Variants in L3MBTL4 observed in about 807,000 individuals in gnomAD.
The protein encoded by L3MBTL4 is L3MBTL histone methyl-lysine binding protein 4.
Under a neutral mutation model 84.5 loss-of-function variants are expected in L3MBTL4, and 70 were observed. The ratio of observed to expected loss-of-function variants is 0.83; its 90% CI spans 0.68 to 1.01. The LOEUF is 1.01. L3MBTL4 is among the 50% of genes least tolerant of loss of function. The pLI is 0.00. For missense variants in L3MBTL4, 715 were observed against 754.8 expected (o/e 0.95, Z 0.62); for synonymous variants, 274 against 259.8 (o/e 1.05, Z -0.52).
intron 16 of L3MBTL4, among the ~76,000 whole-genome samples, chr18:6,038,988 ACT>A (rs1011582958): frequency 2.7e-5 from 4 of 150,906 alleles, no homozygotes; most frequent in Non-Finnish European, 5.9e-5. Flanking sequence ...GAGAGCACCT[ACT>A]CTCTCTCTTT....
chr18:6,145,178 C>G (rs1421164543), intron 13 of L3MBTL4, among the ~76,000 whole-genome samples: 1 of 151,914 alleles, frequency 6.6e-6, no homozygotes, highest in Non-Finnish European at 1.5e-5. Context: ...AGGCAAAAAT[C>G]GAGAAATAAA....
intron 14 of L3MBTL4, among the ~76,000 whole-genome samples, chr18:6,103,051 A>G (rs1227189531): frequency 7.9e-5 from 12 of 152,222 alleles, no homozygotes; most frequent in Admixed American, 7.2e-4. Context: ...CGTGCTATGT[A>G]GCAACACTAA....
intron 13 of L3MBTL4, among the ~76,000 whole-genome samples, chr18:6,145,926 T>C (rs1025517801): frequency 1.3e-5 from 2 of 152,040 alleles, no homozygotes; most frequent in Admixed American, 6.6e-5. Context: ...GTGATGATGT[T>C]AGGCAGATAC....
intron 1 of L3MBTL4, among the ~76,000 whole-genome samples, chr18:6,373,879 T>A (rs971670316): frequency 6.6e-6 from 1 of 152,224 alleles, no homozygotes; most frequent in African/African-American, 2.4e-5. Context: ...AAAACTGTGT[T>A]ATTTTGTTTT....
At chr18:6,368,478 T>C (rs1319880756) in intron 1 of L3MBTL4, among the ~76,000 whole-genome samples, 1 of 152,156 alleles carries the variant, frequency 6.6e-6, no homozygotes, top group Non-Finnish European at 1.5e-5. Flanking sequence ...AGTGTGTGCT[T>C]ACTGTCTGCC....
intron 12 of L3MBTL4, among the ~76,000 whole-genome samples, chr18:6,211,103 C>T (rs2046086287): frequency 6.6e-6 from 1 of 152,180 alleles, no homozygotes; most frequent in African/African-American, 2.4e-5. Context: ...CACCAAGTTA[C>T]CACACAGTCA....
At chr18:6,080,732 C>A (rs888544767) in intron 16 of L3MBTL4, 149 bp downstream of exon 16, 3 of 571,644 alleles carry the variant, frequency 5.2e-6, no homozygotes, top group Non-Finnish European at 9.2e-6. Flanking sequence ...ATTCACAGGG[C>A]GGGAACTAGA....
At chr18:6,195,144 C>A (rs79796116) in intron 12 of L3MBTL4, among the ~76,000 whole-genome samples, 5,944 of 152,228 alleles carry the variant, frequency 0.039, 252 homozygotes, top group African/African-American at 0.1. Flanking sequence ...GATATTATCA[C>A]ATAAAGGCAG....
chr18:6,109,122 G>A (rs908559532), intron 14 of L3MBTL4, among the ~76,000 whole-genome samples: 1 of 152,056 alleles, frequency 6.6e-6, no homozygotes, highest in Non-Finnish European at 1.5e-5. Flanking sequence ...AACTAGTGAA[G>A]GTACATCAGG....
At chr18:6,082,682 G>A (rs2058119215) in intron 15 of L3MBTL4, among the ~76,000 whole-genome samples, 1 of 152,148 alleles carries the variant, frequency 6.6e-6, no homozygotes, top group Non-Finnish European at 1.5e-5. Context: ...ATAGAAGCCA[G>A]TCTGCCACAT....
intron 13 of L3MBTL4, among the ~76,000 whole-genome samples, chr18:6,150,021 T>C (rs2042823447): frequency 1.3e-5 from 2 of 152,300 alleles, no homozygotes; most frequent in Admixed American, 1.3e-4. Context: ...GCTATAAGCA[T>C]ATCCAGGTAG....
intron 17 of L3MBTL4, among the ~76,000 whole-genome samples, 193 bp from the exon 18 acceptor site, chr18:5,960,349 T>C (rs2095257550): frequency 1.3e-5 from 2 of 152,184 alleles, no homozygotes; most frequent in African/African-American, 4.8e-5. Flanking sequence ...TCTGTCCTCT[T>C]ATTACCGGGC....
intron 10 of L3MBTL4, among the ~76,000 whole-genome samples, chr18:6,235,172 G>T (rs981718163): frequency 5.9e-5 from 9 of 152,112 alleles, no homozygotes; most frequent in Non-Finnish European, 8.8e-5. Context: ...CTGTTGTGGG[G>T]TTGGGAGCAT....
intron 1 of L3MBTL4, chr18:6,367,746 T>C (rs769150818): frequency 1.3e-5 from 2 of 152,316 alleles, no homozygotes; most frequent in Non-Finnish European, 2.9e-5. Context: ...AGATTTCCCA[T>C]GACCACTAGG....
intron 16 of L3MBTL4, among the ~76,000 whole-genome samples, chr18:6,027,755 T>G (rs1004436826): frequency 1.3e-5 from 2 of 152,232 alleles, no homozygotes; most frequent in African/African-American, 4.8e-5. Context: ...GGTATCTCAC[T>G]GTGGTTTTTA....
intron 1 of L3MBTL4, among the ~76,000 whole-genome samples, chr18:6,366,642 A>T (rs1429399514): frequency 6.6e-6 from 1 of 152,222 alleles, no homozygotes; most frequent in African/African-American, 2.4e-5. Context: ...TGTGGATACA[A>T]CTTTAAATAG....
chr18:6,045,270 G>A (rs117266338), intron 16 of L3MBTL4, among the ~76,000 whole-genome samples: 4,117 of 152,222 alleles, frequency 0.027, 58 homozygotes, highest in Non-Finnish European at 0.042. Context: ...CAAGAATTTC[G>A]TATCTCACCA....
At chr18:6,390,892 T>C (rs1207388892) in intron 1 of L3MBTL4, among the ~76,000 whole-genome samples, 1 of 152,206 alleles carries the variant, frequency 6.6e-6, no homozygotes, top group Non-Finnish European at 1.5e-5. Flanking sequence ...AGCTGAATTC[T>C]ACCAGACATT....
chr18:6,374,085 A>G, intron 1 of L3MBTL4, among the ~76,000 whole-genome samples: 1 of 152,104 alleles, frequency 6.6e-6, no homozygotes, highest in Non-Finnish European at 1.5e-5. Context: ...GGTTGCCCAC[A>G]TTTCCCCTGT....
Sources: allele counts gnomAD v4.1 joint callset (sites outside exome capture counted in the v4.1 genomes callset), GRCh38; gene constraint gnomAD v4.1.1; transcripts MANE v1.5; gene names NCBI Gene and HGNC (gene_info 2026-07-23, HGNC 2026-07-21).